Variants in TSPEAR observed in about 807,000 individuals in gnomAD.
The protein encoded by TSPEAR is thrombospondin-type laminin G domain and EAR repeat-containing protein.
Under a neutral mutation model 71.6 loss-of-function variants are expected in TSPEAR, and 69 were observed. The ratio of observed to expected loss-of-function variants is 0.96; its 90% CI spans 0.79 to 1.18. The LOEUF (loss-of-function observed/expected upper bound fraction) is 1.18, where lower values mean the gene tolerates loss of function less well. Among genes scored for constraint, TSPEAR ranks in the 50% most tolerant of loss-of-function variants. The pLI is 0.00. For synonymous variants in TSPEAR, 402 were observed against 387.2 expected, an observed-to-expected ratio of 1.04 and a Z score of -0.45; for missense variants, 971 against 894.9, an observed-to-expected ratio of 1.09 and a Z score of -1.09.
chr21:44,610,275 A>G (rs1981574594), intron 1 of TSPEAR, among the ~76,000 whole-genome samples: 1 of 152,194 alleles, frequency 6.6e-6, no homozygotes, highest in Non-Finnish European at 1.5e-5. Flanking sequence ...AGAGACCTTC[A>G]TGGCAGCCCC....
At chr21:44,557,776 A>C in intron 2 of TSPEAR, 1 of 511,656 alleles carries the variant, frequency 2.0e-6, no homozygotes, top group Non-Finnish European at 3.5e-6. Context: ...CAGATATGCA[A>C]AAAAGACCTC....
At chr21:44,573,660 A>G (rs1978293821) in intron 1 of TSPEAR, 2 of 1,543,366 alleles carry the variant, frequency 1.3e-6, no homozygotes, top group Non-Finnish European at 1.8e-6. Context: ...TGCACCAAGG[A>G]GGAGTATAAA....
intron 2 of TSPEAR, among the ~76,000 whole-genome samples, chr21:44,537,687 A>G (rs371039138): frequency 1.3e-5 from 2 of 152,244 alleles, no homozygotes; most frequent in Admixed American, 6.5e-5. Flanking sequence ...AATGAAACCA[A>G]TATCAGCAAA....
intron 2 of TSPEAR, among the ~76,000 whole-genome samples, chr21:44,561,002 T>C (rs1275569178): frequency 6.6e-6 from 1 of 151,872 alleles, no homozygotes; most frequent in Non-Finnish European, 1.5e-5. Flanking sequence ...CTGAAGGAGA[T>C]AGAGACATGA....
At chr21:44,702,566 G>A (rs974222755) in intron 1 of TSPEAR, 15 of 1,609,174 alleles carry the variant, frequency 9.3e-6, no homozygotes, top group South Asian at 3.3e-5. Flanking sequence ...CAGTCTAGCT[G>A]CCAGCCGGCT....
intron 11 of TSPEAR, among the ~76,000 whole-genome samples, chr21:44,501,767 C>G (rs950855332): frequency 1.3e-5 from 2 of 151,872 alleles, no homozygotes; most frequent in African/African-American, 2.4e-5. Context: ...CCTGTCCCCC[C>G]CAAAAAATAA....
chr21:44,519,055 GTC>G (rs1491582892), intron 9 of TSPEAR: 3 of 174,440 alleles, frequency 1.7e-5, no homozygotes, highest in African/African-American at 7.1e-5. Context: ...TTGAGATGGA[GTC>G]TCACTCTGTC....
At chr21:44,634,728 A>C (rs1555936303) in intron 1 of TSPEAR, among the ~76,000 whole-genome samples, 1 of 152,236 alleles carries the variant, frequency 6.6e-6, no homozygotes, top group Admixed American at 6.5e-5. Flanking sequence ...GCAGGAAAAG[A>C]AGCTCAATGT....
At position 44,665,999 on chromosome 21, in the gene TSPEAR, C is replaced by G. The variant is rs111656745; in HGVS notation, c.82+45434G>C. 3.9e-3 allele frequency among the ~76,000 whole-genome samples: 596 copies of G among 152,286 alleles called. 7 individuals carry two copies. The highest frequency in any genetic ancestry group is 0.013 in the African/African-American group (533 of 41,556). On this transcript the variant is annotated intron_variant, in intron 1 of 11. Coordinates refer to ENST00000323084, the MANE Select transcript of TSPEAR (RefSeq NM_144991.3). ...GTAAGTCACTTCTGTGGCCACTGCA[C>G]CTGGGCCCCAGGAGCCCTGGGAGAG...
At chr21:44,530,156 T>G (rs1295388831) in intron 4 of TSPEAR, among the ~76,000 whole-genome samples, 3 of 152,022 alleles carry the variant, frequency 2.0e-5, no homozygotes, top group Non-Finnish European at 2.9e-5. Context: ...TTGCCCCCCT[T>G]CCGAGGGAAC....
intron 1 of TSPEAR, among the ~76,000 whole-genome samples, chr21:44,582,808 CTTTCTCTT>C (rs1259354287): frequency 1.4e-5 from 2 of 147,100 alleles, no homozygotes; most frequent in Non-Finnish European, 3.0e-5. Flanking sequence ...TTCTCTCTTT[CTTTCTCTT>C]TCTTTCTTTT....
At chr21:44,522,154 C>T in intron 8 of TSPEAR, 42 bp from the exon 9 acceptor site, 2 of 1,589,034 alleles carry the variant, frequency 1.3e-6, no homozygotes, top group Non-Finnish European at 1.7e-6. Flanking sequence ...AGGCAGATTC[C>T]ACAGCCCCAT....
chr21:44,518,186 TAAAA>T (rs200726512), intron 9 of TSPEAR: 6 of 391,314 alleles, frequency 1.5e-5, no homozygotes, highest in South Asian at 1.0e-4. Flanking sequence ...AAGTATAACT[TAAAA>T]AAATTCCTTT....
At chr21:44,638,967 T>G (rs9978510) in intron 1 of TSPEAR, among the ~76,000 whole-genome samples, 33,948 of 151,294 alleles carry the variant, frequency 0.22, 4,074 homozygotes, top group African/African-American at 0.3. Context: ...AGTAAGACAT[T>G]GGGACCACGC....
At chr21:44,549,323 A>G (rs2053358987) in intron 2 of TSPEAR, among the ~76,000 whole-genome samples, 1 of 152,218 alleles carries the variant, frequency 6.6e-6, no homozygotes, top group Non-Finnish European at 1.5e-5. Context: ...TAAAGGACTG[A>G]TCAGGCTGTT....
chr21:44,521,431 G>A (rs980958695), intron 9 of TSPEAR, among the ~76,000 whole-genome samples: 1 of 152,192 alleles, frequency 6.6e-6, no homozygotes, highest in Admixed American at 6.5e-5. Context: ...GGAGCGCCAC[G>A]TGCTGCCCCG....
intron 1 of TSPEAR, among the ~76,000 whole-genome samples, chr21:44,692,773 G>A (rs1987172841): frequency 6.6e-6 from 1 of 151,782 alleles, no homozygotes; most frequent in Non-Finnish European, 1.5e-5. Context: ...TGTTAAAATG[G>A]CAGTACTACC....
intron 9 of TSPEAR, chr21:44,518,624 C>G: frequency 2.1e-6 from 1 of 470,244 alleles, no homozygotes; most frequent in South Asian, 1.6e-5. Context: ...GCCTTTCCAT[C>G]CAGGGTGCGC....
chr21:44,576,695 G>A (rs1009563605), intron 1 of TSPEAR, among the ~76,000 whole-genome samples: 1 of 152,150 alleles, frequency 6.6e-6, no homozygotes, highest in African/African-American at 2.4e-5. Context: ...TGCTGGTTGA[G>A]GTCCTTTGTG....
Sources: gnomAD v4.1 joint callset for allele counts (sites outside exome capture counted in the v4.1 genomes callset) on GRCh38, gnomAD v4.1.1 for gene constraint, MANE v1.5 for transcripts, NCBI Gene and HGNC (gene_info 2026-07-23, HGNC 2026-07-21) for gene names.